PSMD11: variants seen among roughly 807,000 people sequenced by gnomAD.
The protein encoded by PSMD11 is proteasome 26S subunit, non-ATPase 11.
In PSMD11, 5 loss-of-function variants were observed where a neutral mutation model predicts 62.3. The ratio of observed to expected loss-of-function variants is 0.08; its 90% CI spans 0.04 to 0.17. The LOEUF is 0.17. PSMD11 is among the 10% of genes least tolerant of loss of function. PSMD11 has a pLI of 1.00. For synonymous variants in PSMD11, 191 were observed against 191.8 expected (o/e 1.00, Z 0.03); for missense variants, 310 against 512.9 (o/e 0.60, Z 3.82).
At chr17:32,479,106 T>G in intron 9 of PSMD11, 145 bp from the exon 10 acceptor site, 1 of 1,135,612 alleles carries the variant, frequency 8.8e-7, no homozygotes, top group South Asian at 1.6e-5. Context: ...CCTTTTCTGC[T>G]TTGTATCATG....
chr17:32,473,994 G>A, intron 7 of PSMD11, 49 bp downstream of exon 7: 2 of 1,602,850 alleles, frequency 1.2e-6, no homozygotes. Flanking sequence ...CCTTCAGCAA[G>A]TCTGTTTGCC....
intron 2 of PSMD11, among the ~76,000 whole-genome samples, chr17:32,448,212 T>C (rs908304831): frequency 1.3e-4 from 20 of 152,046 alleles, no homozygotes; most frequent in Non-Finnish European, 5.9e-5. Context: ...AACTAACTTA[T>C]TAATTATTAG....
At chr17:32,454,391 G>A (rs1907590377) in intron 2 of PSMD11, 104 bp from the exon 3 acceptor site, 2 of 1,164,388 alleles carry the variant, frequency 1.7e-6, no homozygotes, top group Non-Finnish European at 2.5e-6. Flanking sequence ...ACTGATTCCA[G>A]TGATGTAAGT....
Position 32,447,015 on chromosome 17 carries a change from A to G in PSMD11, c.162A>G (p.Gly54=). The G allele has an allele frequency of 6.2e-7, 1 of 1,612,090 alleles. No individual in the cohort carries two copies. Among genetic ancestry groups the G allele is most frequent in the African/African-American group, 1.3e-5 (1 of 74,906 alleles). ...QVKEQSILEL[G]SLLAKTGQAA... is the part of the protein sequence containing the mutation. ...AAGAGCAGAGCATCCTGGAACTGGG[A>G]TCTCTCCTGGCAAAGACTGGACAAG... Residue 54 remains glycine, a synonymous_variant, in exon 2 of 14, where the codon GGA becomes GGG. Transcript: ENST00000261712.
intron 1 of PSMD11, among the ~76,000 whole-genome samples, chr17:32,446,443 C>T (rs140504015): frequency 2.2e-4 from 33 of 152,252 alleles, no homozygotes; most frequent in Middle Eastern, 3.4e-3. Flanking sequence ...TTATCCCTAA[C>T]ACACCCATCA....
At chr17:32,467,019 A>G (rs1908010644) in intron 5 of PSMD11, among the ~76,000 whole-genome samples, 1 of 151,994 alleles carries the variant, frequency 6.6e-6, no homozygotes, top group Admixed American at 6.6e-5. Flanking sequence ...ATCTTGGCTC[A>G]CTGCAACCTC....
At chr17:32,444,770 C>T (rs1907274649) in intron 1 of PSMD11, 156 bp downstream of exon 1, 4 of 798,426 alleles carry the variant, frequency 5.0e-6, no homozygotes, top group Non-Finnish European at 7.7e-6. Flanking sequence ...CGGAGCTCCC[C>T]AGAGCCTCCC....
At chr17:32,480,025 T>A (rs935832030) in intron 11 of PSMD11, 121 bp from the exon 12 acceptor site, 1 of 1,474,986 alleles carries the variant, frequency 6.8e-7, no homozygotes, top group Non-Finnish European at 9.5e-7. Flanking sequence ...GAGTAGGAGT[T>A]GCATTGTTGC....
chr17:32,466,850 AT>A (rs1257450098), intron 5 of PSMD11, among the ~76,000 whole-genome samples: 2 of 152,090 alleles, frequency 1.3e-5, no homozygotes, highest in African/African-American at 2.4e-5. Context: ...GCATTTCATT[AT>A]GTTTTTGTTT....
At chr17:32,452,796 A>G (rs1474922205) in intron 2 of PSMD11, among the ~76,000 whole-genome samples, 1 of 152,192 alleles carries the variant, frequency 6.6e-6, no homozygotes, top group Non-Finnish European at 1.5e-5. Flanking sequence ...GTCAGACCCT[A>G]CCTGGAGCAA....
In PSMD11 at chr17:32,481,363, A is replaced by ACAGCAG. The variant is rs958564449; in HGVS notation, c.*625_*630dup. 2 of 161,868 alleles carry ACAGCAG rather than the reference A, an allele frequency of 1.2e-5. No homozygotes were observed. The highest frequency in any genetic ancestry group is 6.5e-5 in the Admixed American group (1 of 15,476). 10.0% of individuals were successfully genotyped at this position (161,868 alleles called of 1,614,324 possible). A position where few individuals can be genotyped will look rare whatever the true frequency, so the allele number is the denominator to read the frequency against. ...CACCACCACCACCACTGCAGCAACA[A>ACAGCAG]CAGCAGCAGCAGCAGCAGCGCCTGC... On this transcript the variant is annotated 3_prime_UTR_variant, in exon 14 of 14. Transcript: ENST00000261712.
In PSMD11 at chr17:32,477,189, C is replaced by A. The variant is rs571815425; in HGVS notation, c.850-332C>A. On this transcript the variant is annotated intron_variant, in intron 8 of 13. Transcript: ENST00000261712. ...TTGGGTGGATGTGGCGATAACAAGC[C>A]TTGGAGGAAGGGAGAAGAAATCACA... The A allele has an allele frequency of 5.8e-4, 139 of 239,794 alleles. No individual in the cohort carries two copies. In the South Asian group the frequency reaches 8.5e-3, roughly 15 times the overall value. The allele number at this position is 239,794 out of a possible 1,614,324, so 14.9% of individuals were successfully genotyped here.
intron 2 of PSMD11, among the ~76,000 whole-genome samples, chr17:32,453,152 G>A (rs570537500): frequency 1.3e-5 from 2 of 152,264 alleles, no homozygotes; most frequent in East Asian, 3.9e-4. Flanking sequence ...TGGGAGAAGG[G>A]ACATTGCTTC....
chr17:32,479,941 G>T (rs1908440414), intron 11 of PSMD11, 55 bp downstream of exon 11: 1 of 1,577,098 alleles, frequency 6.3e-7, no homozygotes, highest in Non-Finnish European at 8.7e-7. Context: ...GGCGAGGAGG[G>T]GTGGCACATG....
intron 5 of PSMD11, among the ~76,000 whole-genome samples, chr17:32,465,482 T>C (rs1006388083): frequency 2.6e-5 from 4 of 152,116 alleles, no homozygotes; most frequent in African/African-American, 9.7e-5. Flanking sequence ...GCTCTTATGA[T>C]CTATTAGGTT....
chr17:32,477,408 C>T lies in PSMD11; in HGVS notation c.850-113C>T, dbSNP rs927692327. ...CGTCTGAAGAAGAACGATGGTGGGG[C>T]GGGTTCTTCCTTTTGGCAGAAGTTG... is the stretch of plus-strand genomic sequence containing the variant. On this transcript the variant is annotated intron_variant, in intron 8 of 13. Transcript: ENST00000261712. The T allele has an allele frequency of 1.8e-5, 14 of 788,950 alleles. No individual in the cohort carries two copies. In the African/African-American group the frequency reaches 2.5e-4, roughly 14 times the overall value. The allele number at this position is 788,950 out of a possible 1,614,324, so 48.9% of individuals were successfully genotyped here. A position where few individuals can be genotyped will look rare whatever the true frequency, so the allele number is the denominator to read the frequency against.
intron 5 of PSMD11, among the ~76,000 whole-genome samples, chr17:32,465,864 A>C (rs191233470): frequency 6.6e-6 from 1 of 152,302 alleles, no homozygotes; most frequent in East Asian, 1.9e-4. Context: ...AATCCCAGCT[A>C]CTTGTTAGGC....
At chr17:32,480,015 G>C in intron 11 of PSMD11, 129 bp downstream of exon 11, 1 of 1,474,640 alleles carries the variant, frequency 6.8e-7, no homozygotes, top group Non-Finnish European at 9.5e-7. Context: ...GTGTGGACTA[G>C]AGTAGGAGTT....
intron 6 of PSMD11, among the ~76,000 whole-genome samples, chr17:32,473,251 C>T (rs1206119126): frequency 6.6e-6 from 1 of 150,802 alleles, no homozygotes; most frequent in Non-Finnish European, 1.5e-5. Flanking sequence ...TCAAAAGTGC[C>T]GAGATTACAG....
Sources: gnomAD v4.1 joint callset for allele counts (sites outside exome capture counted in the v4.1 genomes callset) on GRCh38, gnomAD v4.1.1 for gene constraint, MANE v1.5 for transcripts, NCBI Gene and HGNC (gene_info 2026-07-23, HGNC 2026-07-21) for gene names.